Variants in EPG5 observed in about 807,000 individuals in gnomAD.
EPG5 encodes the protein ectopic P-granules 5 autophagy tethering factor.
Under a neutral mutation model 302.7 loss-of-function variants are expected in EPG5, and 159 were observed. The ratio of observed to expected loss-of-function variants is 0.53; its 90% CI spans 0.46 to 0.60. The LOEUF (loss-of-function observed/expected upper bound fraction) is 0.60. EPG5 is among the 20% of genes least tolerant of loss of function. The pLI, the probability that EPG5 is intolerant of heterozygous loss-of-function variation, is 0.00. For missense variants in EPG5, 2,896 were observed against 3,092.4 expected (o/e 0.94, Z 1.51); for synonymous variants, 1,158 against 1,136.8 (o/e 1.02, Z -0.37).
the EPG5 span, among the ~76,000 whole-genome samples, chr18:45,834,137 G>C: frequency 2.0e-5 from 3 of 152,112 alleles, no homozygotes; most frequent in African/African-American, 7.2e-5. Context: ...CTTTCTCAAG[G>C]CTCTGCTGAA....
intron 22 of EPG5, 128 bp downstream of exon 22, chr18:45,912,156 CAGAGAA>C (rs1568147189): frequency 2.4e-6 from 2 of 819,100 alleles, no homozygotes; most frequent in African/African-American, 1.8e-5. Context: ...AACATAGAGA[CAGAGAA>C]AGAGTCCTCA....
rs560961409 is a variant in EPG5 at position 45,870,299 on chromosome 18, T to C, written c.6225+268A>G. ...AGCATAACGGAGGCATTAAACTACG[T>C]ACTCACACGTGACAAAGTCTAGGGG... On this transcript the variant is annotated intron_variant, in intron 36 of 43. Transcript: ENST00000282041. Among the ~76,000 whole-genome samples, 9 of 152,318 alleles carry C rather than the reference T, an allele frequency of 5.9e-5. No individual in the cohort carries two copies. The South Asian group carries it at 1.9e-3, about 32-fold the overall frequency.
chr18:45,848,683 C>T lies in EPG5; in HGVS notation c.*3784G>A, dbSNP rs2048386667. 6.6e-6 allele frequency: 1 copy of T among 152,300 alleles called. No individual in the cohort carries two copies. Among genetic ancestry groups the T allele is most frequent in the South Asian group, 2.1e-4 (1 of 4,834 alleles). 9.4% of individuals were successfully genotyped at this position (152,300 alleles called of 1,614,324 possible). ...TCATTTGTCTCACCCTAGCCCTGGCCCTGCTAATCCGGGGCACACCCCTTT... is the reference window on the plus strand; with the variant it reads ...TCATTTGTCTCACCCTAGCCCTGGCTCTGCTAATCCGGGGCACACCCCTTT... On this transcript the variant is annotated 3_prime_UTR_variant, in exon 44 of 44. Transcript: ENST00000282041.
chr18:45,858,059 C>T lies in EPG5; in HGVS notation c.7236G>A (p.Glu2412=). The part of the protein sequence containing the change: ...WLEQVYPSSV[E]EEAKLFLWWH... ...ACCACAAAAACAGCTTTGCCTCTTCCTCCACGGAGCTAGGGGAGGCACCGG... is the reference window on the plus strand; with the variant it reads ...ACCACAAAAACAGCTTTGCCTCTTCTTCCACGGAGCTAGGGGAGGCACCGG... The change falls in exon 42 of 44, where the codon GAG becomes GAA. Residue 2412 remains glutamate (E), a synonymous_variant. Coordinates refer to ENST00000282041, the MANE Select transcript of EPG5 (RefSeq NM_020964.3). 1 of 1,613,130 alleles carries T rather than the reference C, an allele frequency of 6.2e-7. No homozygotes were observed. Among genetic ancestry groups the T allele is most frequent in the Non-Finnish European group, 8.5e-7 (1 of 1,179,344 alleles).
chr18:45,801,877 C>A, the EPG5 span, among the ~76,000 whole-genome samples: 1 of 152,204 alleles, frequency 6.6e-6, no homozygotes, highest in Non-Finnish European at 1.5e-5. Context: ...GCATCCACCC[C>A]CTTCAGGGCT....
the EPG5 span, among the ~76,000 whole-genome samples, chr18:45,807,986 A>G: frequency 6.6e-6 from 1 of 152,192 alleles, no homozygotes; most frequent in South Asian, 2.1e-4. Context: ...AAATGATACA[A>G]GAAGTGAAGG....
chr18:45,879,512 C>T (rs916240342), intron 32 of EPG5, among the ~76,000 whole-genome samples: 3 of 152,112 alleles, frequency 2.0e-5, no homozygotes, highest in African/African-American at 4.8e-5. Flanking sequence ...GGACTACAGG[C>T]GTGCACCACC....
chr18:45,870,090 T>C (rs2048837501), intron 36 of EPG5, among the ~76,000 whole-genome samples: 1 of 152,226 alleles, frequency 6.6e-6, no homozygotes, highest in South Asian at 2.1e-4. Flanking sequence ...CACACGATTA[T>C]GATGCATCAT....
At chr18:45,954,010 G>T in intron 2 of EPG5, 1 of 708,924 alleles carries the variant, frequency 1.4e-6, no homozygotes. Context: ...TACACTGTCT[G>T]TATGTGTCTG....
chr18:45,810,534 C>T, the EPG5 span, among the ~76,000 whole-genome samples: 166 of 152,330 alleles, frequency 1.1e-3, no homozygotes, highest in Non-Finnish European at 2.0e-3. Flanking sequence ...GTAGCTCATG[C>T]TTGTAATCCC....
intron 27 of EPG5, among the ~76,000 whole-genome samples, chr18:45,894,456 T>C (rs1382282509): frequency 6.7e-6 from 1 of 150,338 alleles, no homozygotes; most frequent in Non-Finnish European, 1.5e-5. Flanking sequence ...TGCCTCAAAA[T>C]AATAATAATA....
At chr18:45,833,781 T>C in the EPG5 span, among the ~76,000 whole-genome samples, 5 of 152,300 alleles carry the variant, frequency 3.3e-5, no homozygotes, top group Middle Eastern at 3.4e-3. Context: ...GACCAAGGTA[T>C]AGATATATAG....
intron 9 of EPG5, among the ~76,000 whole-genome samples, chr18:45,942,193 C>A (rs764770141): frequency 1.4e-4 from 21 of 151,988 alleles, no homozygotes; most frequent in Non-Finnish European, 2.8e-4. Flanking sequence ...CCACTGCACT[C>A]CAGCCCGGGT....
intron 32 of EPG5, 79 bp from the exon 33 acceptor site, chr18:45,879,293 G>GTA (rs1168241794): frequency 1.0e-6 from 1 of 964,566 alleles, no homozygotes; most frequent in Non-Finnish European, 1.6e-6. Flanking sequence ...TGATGGGGGT[G>GTA]TATATAGTAG....
intron 30 of EPG5, among the ~76,000 whole-genome samples, 189 bp downstream of exon 30, chr18:45,884,428 A>G (rs1426386229): frequency 1.3e-5 from 2 of 152,196 alleles, no homozygotes; most frequent in Non-Finnish European, 2.9e-5. Context: ...CAAGACAACC[A>G]ATGCCCCACC....
the EPG5 span, among the ~76,000 whole-genome samples, chr18:45,827,367 C>T: frequency 6.6e-6 from 1 of 152,196 alleles, no homozygotes; most frequent in Non-Finnish European, 1.5e-5. Flanking sequence ...CCACCCCACA[C>T]AGCCATGGAC....
At chr18:45,872,007 C>A (rs1030432416) in intron 35 of EPG5, among the ~76,000 whole-genome samples, 1 of 152,074 alleles carries the variant, frequency 6.6e-6, no homozygotes. Context: ...TTAATCATGC[C>A]ACACTGTAAA....
intron 29 of EPG5, among the ~76,000 whole-genome samples, chr18:45,886,405 T>C (rs974767077): frequency 9.2e-5 from 14 of 152,200 alleles, no homozygotes; most frequent in African/African-American, 3.1e-4. Context: ...TGAAATAATG[T>C]CTAAAAGATG....
At chr18:45,869,219 T>C (rs961514782) in intron 36 of EPG5, among the ~76,000 whole-genome samples, 1 of 152,218 alleles carries the variant, frequency 6.6e-6, no homozygotes, top group African/African-American at 2.4e-5. Flanking sequence ...AGCTCTAGTC[T>C]ATTTATAAAA....
Sources: allele counts gnomAD v4.1 joint callset (sites outside exome capture counted in the v4.1 genomes callset), GRCh38; gene constraint gnomAD v4.1.1; transcripts MANE v1.5; gene names NCBI Gene and HGNC (gene_info 2026-07-23, HGNC 2026-07-21).